C1QTNF7: variants seen among roughly 807,000 people sequenced by gnomAD.
C1QTNF7 encodes C1q and TNF related 7.
A neutral mutation model predicts 19.6 loss-of-function variants in C1QTNF7; 15 were observed. The ratio of observed to expected loss-of-function variants is 0.76; its 90% CI spans 0.51 to 1.18. C1QTNF7 has a LOEUF of 1.18. Among genes scored for constraint, C1QTNF7 ranks in the 50% most tolerant of loss-of-function variants. C1QTNF7 has a pLI of 0.00. For synonymous variants in C1QTNF7, 142 were observed against 137.5 expected, an observed-to-expected ratio of 1.03 and a Z score of -0.23; for missense variants, 324 against 359.7, an observed-to-expected ratio of 0.90 and a Z score of 0.80.
intron 1 of C1QTNF7, among the ~76,000 whole-genome samples, chr4:15,365,565 A>G (rs1189936842): frequency 6.6e-6 from 1 of 152,204 alleles, no homozygotes; most frequent in African/African-American, 2.4e-5. Flanking sequence ...GCACATGAGA[A>G]GAACCCATCT....
intron 1 of C1QTNF7, among the ~76,000 whole-genome samples, chr4:15,412,025 T>C (rs1360031258): frequency 2.0e-5 from 3 of 152,094 alleles, no homozygotes; most frequent in Non-Finnish European, 2.9e-5. Flanking sequence ...TCACCACCTG[T>C]CAGATCAGCA....
At chr4:15,438,177 G>T (rs1400307841) in intron 2 of C1QTNF7, among the ~76,000 whole-genome samples, 3 of 152,116 alleles carry the variant, frequency 2.0e-5, no homozygotes, top group Admixed American at 6.5e-5. Context: ...AAAACAAATT[G>T]AGATTCAAAA....
chr4:15,424,547 T>TC (rs1711950060), upstream of C1QTNF7, among the ~76,000 whole-genome samples: 1 of 151,928 alleles, frequency 6.6e-6, no homozygotes, highest in South Asian at 2.1e-4. Flanking sequence ...CTTAGTGGCC[T>TC]CCCCCCACTA....
chr4:15,388,830 G>C (rs1718444509), intron 1 of C1QTNF7, among the ~76,000 whole-genome samples: 2 of 152,312 alleles, frequency 1.3e-5, no homozygotes, highest in African/African-American at 4.8e-5. Flanking sequence ...AAATGAGGAA[G>C]GTGGTATAAT....
chr4:15,365,802 C>T (rs921108635), intron 1 of C1QTNF7, among the ~76,000 whole-genome samples: 10 of 152,162 alleles, frequency 6.6e-5, no homozygotes, highest in Admixed American at 5.9e-4. Context: ...GGACTCCTCC[C>T]TCCCAACGGC....
At chr4:15,384,632 G>C (rs1718264558) in intron 1 of C1QTNF7, among the ~76,000 whole-genome samples, 1 of 152,164 alleles carries the variant, frequency 6.6e-6, no homozygotes, top group Non-Finnish European at 1.5e-5. Context: ...TTATAGAAAT[G>C]GTTCAAGACA....
At chr4:15,374,346 C>T (rs1459918959) in intron 1 of C1QTNF7, 1 of 159,290 alleles carries the variant, frequency 6.3e-6, no homozygotes, top group Non-Finnish European at 1.3e-5. Context: ...GTGCCCTGAT[C>T]TCTCCCAGCA....
intron 1 of C1QTNF7, among the ~76,000 whole-genome samples, chr4:15,414,086 C>A (rs942984950): frequency 2.0e-5 from 3 of 152,128 alleles, no homozygotes; most frequent in African/African-American, 7.2e-5. Flanking sequence ...CACTTTGTGT[C>A]GATTTATGTC....
intron 1 of C1QTNF7, among the ~76,000 whole-genome samples, chr4:15,422,214 A>T (rs1013288477): frequency 2.0e-5 from 3 of 149,792 alleles, no homozygotes; most frequent in East Asian, 2.0e-4. Flanking sequence ...TTTTTTTAAA[A>T]AAAAAAAAAA....
intron 1 of C1QTNF7, chr4:15,381,977 T>C (rs2108891505): frequency 6.6e-6 from 1 of 152,356 alleles, no homozygotes; most frequent in Admixed American, 6.5e-5. Context: ...TTTTCCAAGC[T>C]GCATCGTATG....
upstream of C1QTNF7, chr4:15,427,926 C>A: frequency 1.6e-6 from 1 of 608,432 alleles, no homozygotes; most frequent in Non-Finnish European, 2.1e-6. Context: ...ACTTCCAGGG[C>A]CTTTGGCTCT....
In C1QTNF7 at chr4:15,435,980, A is replaced by G; in HGVS notation, c.237A>G (p.Ala79=). ...GAGAGAAAGGTGAAAAGGGAACTGC[A>G]GGTAATGAATGAGAAGTTGCATAAA... is the stretch of plus-strand genomic sequence containing the variant. The part of the protein sequence containing the change: ...RKGEKGEKGT[A]GLRGKTGPLG... Residue 79 remains alanine, a splice_region_variant and synonymous_variant, in exon 2 of 3, where the codon GCA becomes GCG. Coordinates refer to ENST00000444304, the MANE Select transcript of C1QTNF7 (RefSeq NM_031911.5). 3 of 1,611,658 alleles carry G rather than the reference A, an allele frequency of 1.9e-6. No individual in the cohort carries two copies. Among genetic ancestry groups the G allele is most frequent in the Non-Finnish European group, 2.5e-6 (3 of 1,178,896 alleles).
At chr4:15,375,786 C>T (rs1717917718) in intron 1 of C1QTNF7, among the ~76,000 whole-genome samples, 1 of 152,140 alleles carries the variant, frequency 6.6e-6, no homozygotes, top group South Asian at 2.1e-4. Context: ...GTTGTGTTCC[C>T]CCAACTCACT....
At chr4:15,379,582 A>G (rs1468395654) in intron 1 of C1QTNF7, among the ~76,000 whole-genome samples, 2 of 152,272 alleles carry the variant, frequency 1.3e-5, no homozygotes, top group African/African-American at 2.4e-5. Context: ...GGACTCCACA[A>G]CCTGCTAACT....
intron 1 of C1QTNF7, among the ~76,000 whole-genome samples, chr4:15,417,649 T>G (rs1719648170): frequency 2.6e-5 from 4 of 152,106 alleles, no homozygotes; most frequent in African/African-American, 9.7e-5. Flanking sequence ...TGCAGATACT[T>G]GAGAGGCTGA....
intron 1 of C1QTNF7, among the ~76,000 whole-genome samples, chr4:15,341,154 A>T (rs10033543): frequency 0.026 from 3,907 of 152,312 alleles, 163 homozygotes; most frequent in African/African-American, 0.089. Context: ...CACGCACACA[A>T]GCGTGCTCAC....
chr4:15,390,187 T>C (rs1052195287), intron 1 of C1QTNF7, among the ~76,000 whole-genome samples: 2 of 152,134 alleles, frequency 1.3e-5, no homozygotes, highest in Admixed American at 6.5e-5. Flanking sequence ...CTAAAATCTG[T>C]AGGGGAGTCC....
chr4:15,411,485 C>A (rs181957468), intron 1 of C1QTNF7, among the ~76,000 whole-genome samples: 19 of 152,286 alleles, frequency 1.2e-4, no homozygotes, highest in Non-Finnish European at 7.4e-5. Context: ...GCCTAGTCAG[C>A]CTGCATTCCT....
chr4:15,424,084 T>G (rs566806080), upstream of C1QTNF7, among the ~76,000 whole-genome samples: 10 of 152,346 alleles, frequency 6.6e-5, no homozygotes, highest in African/African-American at 2.4e-4. Flanking sequence ...CCCTGCCCTT[T>G]TATGACATCT....
Sources: allele counts gnomAD v4.1 joint callset (sites outside exome capture counted in the v4.1 genomes callset), GRCh38; gene constraint gnomAD v4.1.1; transcripts MANE v1.5; gene names NCBI Gene and HGNC (gene_info 2026-07-23, HGNC 2026-07-21).